The following PTPN13 variants were observed in gnomAD, a reference collection of about 807,000 sequenced individuals.
PTPN13 encodes the protein tyrosine-protein phosphatase non-receptor type 13.
PTPN13 carries 191 observed loss-of-function variants against 284.0 expected under a neutral mutation model. That is an observed-to-expected ratio of 0.67 (90% CI 0.60 to 0.76). The LOEUF (loss-of-function observed/expected upper bound fraction) is 0.76. PTPN13 is among the 30% of genes least tolerant of loss of function. The pLI is 0.00. For synonymous variants in PTPN13, 986 were observed against 1,022.3 expected, an observed-to-expected ratio of 0.96 and a Z score of 0.68; for missense variants, 2,797 against 2,939.9, an observed-to-expected ratio of 0.95 and a Z score of 1.12.
In PTPN13 at chr4:86,635,352, C is replaced by A; in HGVS notation, c.96C>A (p.Leu32=). Residue 32 remains leucine, a synonymous_variant, in exon 2 of 48, where the codon CTC becomes CTA. Coordinates refer to ENST00000411767, the MANE Select transcript of PTPN13 (RefSeq NM_080683.3). ...WAVLNQSAES[L]QELFRKVSLA... ...TATTAAATCAAAGTGCTGAAAGTCTCCAAGAATTATTCAGAAAAGGTAAGC... is the reference window on the plus strand; with the variant it reads ...TATTAAATCAAAGTGCTGAAAGTCTACAAGAATTATTCAGAAAAGGTAAGC... 6.2e-7 allele frequency: 1 copy of A among 1,600,010 alleles called. No homozygotes were observed. The highest frequency in any genetic ancestry group is 2.3e-5 in the East Asian group (1 of 44,364).
chr4:86,790,861 T>C (rs1478007146), intron 40 of PTPN13, among the ~76,000 whole-genome samples: 2 of 152,058 alleles, frequency 1.3e-5, no homozygotes, highest in Admixed American at 1.3e-4. Context: ...GAATACAATT[T>C]GGGGGTGGTC....
At chr4:86,806,201 T>G (rs1744640084) in intron 44 of PTPN13, among the ~76,000 whole-genome samples, 1 of 151,592 alleles carries the variant, frequency 6.6e-6, no homozygotes, top group African/African-American at 2.4e-5. Context: ...AATTTTTACA[T>G]GTATAAAAAT....
At chr4:86,713,812 C>T (rs1452981849) in intron 7 of PTPN13, among the ~76,000 whole-genome samples, 1 of 152,078 alleles carries the variant, frequency 6.6e-6, no homozygotes, top group Non-Finnish European at 1.5e-5. Flanking sequence ...ATTTCCAGTT[C>T]ATCATCCCTA....
At chr4:86,808,879 G>A (rs1744928252) in intron 45 of PTPN13, among the ~76,000 whole-genome samples, 1 of 152,174 alleles carries the variant, frequency 6.6e-6, no homozygotes, top group Non-Finnish European at 1.5e-5. Context: ...TTGGCTGGGG[G>A]AGAATGAGAA....
rs191136803 is a variant in PTPN13, at chr4:86,803,567, T to C, written c.6506-142T>C. ...GTGATTACAGAACTGCACTCCATCG[T>C]AGGCGACAGAACAAGATTCTATCTC... is the stretch of plus-strand genomic sequence containing the variant. On this transcript the variant is annotated intron_variant, in intron 42 of 47. Coordinates refer to ENST00000411767, the MANE Select transcript of PTPN13 (RefSeq NM_080683.3). 88 of 865,436 alleles carry C rather than the reference T, an allele frequency of 1.0e-4. 1 individual carries two copies. Among genetic ancestry groups the C allele is most frequent in the Middle Eastern group, 3.2e-4 (1 of 3,086 alleles). The allele number at this position is 865,436 out of a possible 1,614,324, so 53.6% of individuals were successfully genotyped here.
At chr4:86,656,274 G>A (rs992143784) in intron 2 of PTPN13, among the ~76,000 whole-genome samples, 16 of 152,260 alleles carry the variant, frequency 1.1e-4, no homozygotes, top group Middle Eastern at 3.4e-3. Flanking sequence ...GCTTTGTTGC[G>A]TTTCTGGCAA....
chr4:86,617,514 T>C (rs529622443), intron 1 of PTPN13, among the ~76,000 whole-genome samples: 2 of 152,232 alleles, frequency 1.3e-5, no homozygotes, highest in Non-Finnish European at 2.9e-5. Context: ...CATGTTGGTA[T>C]GCTGCACCCA....
chr4:86,781,525 T>G (rs1310621034), intron 36 of PTPN13, among the ~76,000 whole-genome samples: 4 of 152,202 alleles, frequency 2.6e-5, no homozygotes, highest in Non-Finnish European at 4.4e-5. Flanking sequence ...CTTTTTGAAA[T>G]CAGACTTTAA....
intron 1 of PTPN13, among the ~76,000 whole-genome samples, chr4:86,603,693 A>G (rs1764509648): frequency 6.6e-6 from 1 of 152,100 alleles, no homozygotes; most frequent in Admixed American, 6.5e-5. Context: ...GAGTCATTAC[A>G]TTATATGTTT....
At chr4:86,768,628 T>C (rs1739601367) in intron 28 of PTPN13, among the ~76,000 whole-genome samples, 1 of 152,096 alleles carries the variant, frequency 6.6e-6, no homozygotes, top group Admixed American at 6.5e-5. Flanking sequence ...TAACACAGAC[T>C]ATATTATTTT....
chr4:86,811,137 A>C, intron 47 of PTPN13, 29 bp downstream of exon 47: 2 of 1,578,584 alleles, frequency 1.3e-6, no homozygotes, highest in Non-Finnish European at 1.7e-6. Flanking sequence ...TCCTAATGAG[A>C]ATTTTTGTAA....
intron 1 of PTPN13, among the ~76,000 whole-genome samples, chr4:86,627,621 T>A (rs1229874660): frequency 6.6e-6 from 1 of 152,034 alleles, no homozygotes; most frequent in Admixed American, 6.6e-5. Flanking sequence ...ACCTATGAGA[T>A]CATCACCACA....
intron 2 of PTPN13, among the ~76,000 whole-genome samples, chr4:86,636,082 C>T (rs562919014): frequency 6.6e-6 from 1 of 152,182 alleles, no homozygotes; most frequent in East Asian, 1.9e-4. Context: ...TCTGAGAACT[C>T]ATAATAGGAG....
chr4:86,661,647 A>G (rs1330432434), intron 2 of PTPN13, among the ~76,000 whole-genome samples: 6 of 152,170 alleles, frequency 3.9e-5, no homozygotes, highest in Non-Finnish European at 5.9e-5. Context: ...ATGAGTTCCT[A>G]CAGATCATGT....
intron 40 of PTPN13, among the ~76,000 whole-genome samples, chr4:86,790,468 AAC>A (rs1193289119): frequency 6.6e-6 from 1 of 152,188 alleles, no homozygotes; most frequent in Non-Finnish European, 1.5e-5. Flanking sequence ...GAAAAAATCA[AAC>A]ACACAAATAG....
chr4:86,724,353 C>T (rs576070505), intron 10 of PTPN13, among the ~76,000 whole-genome samples: 27 of 152,262 alleles, frequency 1.8e-4, no homozygotes, highest in Middle Eastern at 6.8e-3. Context: ...ACAAACTGCA[C>T]GTACATATAC....
chr4:86,646,664 T>G (rs1035459842), intron 2 of PTPN13, among the ~76,000 whole-genome samples: 1 of 152,248 alleles, frequency 6.6e-6, no homozygotes, highest in Non-Finnish European at 1.5e-5. Context: ...TTTGGGAAAC[T>G]GACAGTTTCT....
rs1401757783 is a variant in PTPN13 at position 86,763,096 on chromosome 4, G to A, written c.3923G>A (p.Gly1308Asp). 2 of 1,612,596 alleles carry A rather than the reference G, an allele frequency of 1.2e-6. No individual in the cohort carries two copies. The highest frequency in any genetic ancestry group is 1.7e-5 in the Admixed American group (1 of 59,688). The stretch of plus-strand genomic sequence containing the variant: ...AACCAAAGCAAAACTAAAAAGCCAG[G>A]CATTTCTGATGTAACTGATTACTCA... Reference protein sequence around the residue: ...DSNQSKTKKPGISDVTDYSDR... With the variant: ...DSNQSKTKKPDISDVTDYSDR... Residue 1308 changes from glycine (G) to aspartate (D), a missense_variant, in exon 24 of 48, where the codon GGC (glycine) becomes GAC (aspartate). Physicochemically the swap from Gly to Asp is moderately conservative, Grantham distance 94 (BLOSUM62 -1). Transcript: ENST00000411767.
At chr4:86,772,702 T>C (rs1246027011) in intron 31 of PTPN13, 76 bp from the exon 32 acceptor site, 13 of 1,224,004 alleles carry the variant, frequency 1.1e-5, no homozygotes, top group Non-Finnish European at 1.5e-5. Flanking sequence ...GTTAAGTGTT[T>C]TCTGTTTCTG....
Sources: allele counts gnomAD v4.1 joint callset (sites outside exome capture counted in the v4.1 genomes callset), GRCh38; gene constraint gnomAD v4.1.1; transcripts MANE v1.5; gene names NCBI Gene and HGNC (gene_info 2026-07-23, HGNC 2026-07-21).